The following DOCK5 variants were observed in gnomAD, a reference collection of about 807,000 sequenced individuals.
DOCK5 encodes dedicator of cytokinesis protein 5.
Under a neutral mutation model 251.8 loss-of-function variants are expected in DOCK5, and 142 were observed. The ratio of observed to expected loss-of-function variants is 0.56; its 90% CI spans 0.49 to 0.65. DOCK5 has a LOEUF of 0.65. Ranked by LOEUF, DOCK5 falls within the 30% of genes least tolerant of loss-of-function variation. The pLI is 0.00. For missense variants in DOCK5, 2,111 were observed against 2,312.3 expected (o/e 0.91, Z 1.79); for synonymous variants, 842 against 835.5 (o/e 1.01, Z -0.13).
intron 5 of DOCK5, among the ~76,000 whole-genome samples, chr8:25,280,154 G>C (rs1309503106): frequency 6.6e-6 from 1 of 152,206 alleles, no homozygotes; most frequent in African/African-American, 2.4e-5. Flanking sequence ...GTGGGTTCCA[G>C]CCTTCTGTGG....
At chr8:25,347,242 G>C (rs1174725857) in intron 26 of DOCK5, among the ~76,000 whole-genome samples, 2 of 152,094 alleles carry the variant, frequency 1.3e-5, no homozygotes, top group Non-Finnish European at 2.9e-5. Context: ...CTACATTTCT[G>C]TGAATCCACA....
intron 37 of DOCK5, chr8:25,375,370 A>G (rs1262946325): frequency 2.0e-5 from 3 of 152,926 alleles, no homozygotes. Flanking sequence ...TCTGTTCAGA[A>G]CATGCCCCTA....
At chr8:25,195,818 T>C (rs763494983) in intron 1 of DOCK5, among the ~76,000 whole-genome samples, 2 of 152,214 alleles carry the variant, frequency 1.3e-5, no homozygotes, top group Non-Finnish European at 2.9e-5. Context: ...TACTAGAATG[T>C]AAAGTTATGA....
intron 25 of DOCK5, among the ~76,000 whole-genome samples, 184 bp downstream of exon 25, chr8:25,342,691 GTTTTTTTTTTTTTT>G (rs1201632677): frequency 1.4e-5 from 1 of 72,068 alleles, no homozygotes; most frequent in African/African-American, 5.7e-5. Context: ...GTTTTTTCTT[GTTTTTTTTTTTTTT>G]TTTTTTTTTT....
chr8:25,321,969 A>G (rs1586327745), intron 16 of DOCK5, among the ~76,000 whole-genome samples: 1 of 152,200 alleles, frequency 6.6e-6, no homozygotes, highest in East Asian at 1.9e-4. Flanking sequence ...TTTTCTCATG[A>G]AAAAACTCTT....
intron 1 of DOCK5, among the ~76,000 whole-genome samples, chr8:25,225,579 A>T (rs1802507328): frequency 6.6e-6 from 1 of 151,820 alleles, no homozygotes. Context: ...GGTGGTGGGC[A>T]CCTGTAGTCC....
At chr8:25,259,751 G>A (rs112071404) in intron 2 of DOCK5, among the ~76,000 whole-genome samples, 262 of 152,234 alleles carry the variant, frequency 1.7e-3, no homozygotes, top group African/African-American at 5.5e-3. Flanking sequence ...GTGAGCCACC[G>A]CACCTGGCCT....
chr8:25,197,992 C>T (rs977337948), intron 1 of DOCK5, among the ~76,000 whole-genome samples: 4 of 152,008 alleles, frequency 2.6e-5, no homozygotes, highest in Non-Finnish European at 2.9e-5. Flanking sequence ...CGTCGTGATC[C>T]GCCTGCGTCG....
At chr8:25,306,391 G>GT (rs779546369) in intron 11 of DOCK5, among the ~76,000 whole-genome samples, 12 of 152,116 alleles carry the variant, frequency 7.9e-5, no homozygotes, top group Non-Finnish European at 1.5e-4. Context: ...ATATAAATAT[G>GT]TTTAAGTATA....
At chr8:25,315,149 TGCCCACCGGCCTCAGGGGGATCTGAC>T (rs1805209597) in intron 13 of DOCK5, among the ~76,000 whole-genome samples, 9 of 140,182 alleles carry the variant, frequency 6.4e-5, no homozygotes, top group Non-Finnish European at 1.3e-4. Context: ...ATTCTTAATT[TGCCCACCGGCCTCAGGGGGATCTGAC>T]TTATATCTGT....
intron 48 of DOCK5, among the ~76,000 whole-genome samples, chr8:25,406,440 C>T (rs924037419): frequency 3.3e-5 from 5 of 152,120 alleles, no homozygotes; most frequent in African/African-American, 1.2e-4. Flanking sequence ...ATAATTACAT[C>T]ATAAAAATAA....
intron 32 of DOCK5, 48 bp from the exon 33 acceptor site, chr8:25,368,523 A>G (rs199841046): frequency 1.3e-6 from 2 of 1,552,498 alleles, no homozygotes; most frequent in East Asian, 2.3e-5. Context: ...TTAACACTTT[A>G]CTTTCAGTGA....
intron 5 of DOCK5, among the ~76,000 whole-genome samples, chr8:25,288,677 G>T (rs1804406425): frequency 6.6e-6 from 1 of 152,120 alleles, no homozygotes; most frequent in Non-Finnish European, 1.5e-5. Context: ...TTGCAAGAAA[G>T]AAAACAAGAG....
intron 1 of DOCK5, among the ~76,000 whole-genome samples, chr8:25,190,775 GGTTTT>G (rs1323785507): frequency 0.012 from 672 of 53,974 alleles, 16 homozygotes; most frequent in Non-Finnish European, 0.017. Context: ...CTTGGTCATG[GGTTTT>G]TTTTTTTTTT....
intron 1 of DOCK5, among the ~76,000 whole-genome samples, chr8:25,238,723 G>A (rs1266741395): frequency 6.6e-6 from 1 of 152,238 alleles, no homozygotes; most frequent in Non-Finnish European, 1.5e-5. Context: ...GAAAGCAGAA[G>A]TGTGTTTGAG....
In DOCK5 at chr8:25,325,404, C is replaced by A. The variant is rs747863937; in HGVS notation, c.1760C>A (p.Thr587Asn). 8.1e-6 allele frequency: 13 copies of A among 1,613,898 alleles called. 1 individual carries two copies. The highest frequency in any genetic ancestry group is 1.3e-5 in the African/African-American group (1 of 75,000). ...KKMEDAKFYL[T>N]LPGTKMEMEE... ...ATGGAAGATGCTAAATTCTACCTGACCCTGCCTGGAACCAAGATGGAGATG... is the reference window on the plus strand; with the variant it reads ...ATGGAAGATGCTAAATTCTACCTGAACCTGCCTGGAACCAAGATGGAGATG... The change falls in exon 18 of 52, where the codon ACC becomes AAC. Residue 587 changes from threonine to asparagine, a missense_variant. By Grantham distance (65) the Thr-to-Asn change is moderately conservative. Transcript: ENST00000276440.
chr8:25,245,037 C>T (rs1257819700), intron 2 of DOCK5, among the ~76,000 whole-genome samples: 3 of 152,170 alleles, frequency 2.0e-5, no homozygotes, highest in Admixed American at 6.6e-5. Flanking sequence ...ATGGAAACCA[C>T]AGCTCTTCCA....
intron 46 of DOCK5, 74 bp from the exon 47 acceptor site, chr8:25,400,855 T>A: frequency 6.5e-6 from 10 of 1,533,426 alleles, no homozygotes; most frequent in African/African-American, 1.4e-5. Context: ...ACCCCATCCC[T>A]CCCTTCCCCA....
At chr8:25,282,306 C>A (rs375777989) in intron 5 of DOCK5, among the ~76,000 whole-genome samples, 1 of 151,576 alleles carries the variant, frequency 6.6e-6, no homozygotes, top group East Asian at 1.9e-4. Flanking sequence ...CTTACTGAAA[C>A]GTTTCTGTAT....
Sources: allele counts gnomAD v4.1 joint callset (sites outside exome capture counted in the v4.1 genomes callset), GRCh38; gene constraint gnomAD v4.1.1; transcripts MANE v1.5; gene names NCBI Gene and HGNC (gene_info 2026-07-23, HGNC 2026-07-21).